Variants in TGFBR3 observed in about 807,000 individuals in gnomAD.
TGFBR3 encodes transforming growth factor beta receptor 3, also known as transforming growth factor beta receptor type 3.
A neutral mutation model predicts 87.9 loss-of-function variants in TGFBR3; 46 were observed. The observed-to-expected ratio is 0.52, with a 90% confidence interval of 0.41 to 0.67. The LOEUF is 0.67. TGFBR3 is among the 30% of genes least tolerant of loss of function. The pLI, the probability that TGFBR3 is intolerant of heterozygous loss-of-function variation, is 0.00. For synonymous variants in TGFBR3, 381 were observed against 391.6 expected (o/e 0.97, Z 0.32); for missense variants, 866 against 1,041.9 (o/e 0.83, Z 2.32).
chr1:91,710,984 G>A (rs1456092113), intron 13 of TGFBR3, among the ~76,000 whole-genome samples: 1 of 152,212 alleles, frequency 6.6e-6, no homozygotes, highest in East Asian at 1.9e-4. Flanking sequence ...GGCCAGGTCA[G>A]AGAGAAGTAA....
intron 3 of TGFBR3, among the ~76,000 whole-genome samples, chr1:91,781,452 A>G (rs997606832): frequency 1.3e-5 from 2 of 152,186 alleles, no homozygotes; most frequent in African/African-American, 4.8e-5. Flanking sequence ...TGCCTTCCAG[A>G]GGCCTCTCCA....
At chr1:91,831,026 A>T (rs1676842939) in intron 2 of TGFBR3, among the ~76,000 whole-genome samples, 1 of 152,164 alleles carries the variant, frequency 6.6e-6, no homozygotes. Flanking sequence ...GTTAGAAATC[A>T]TCACCATTGT....
intron 3 of TGFBR3, among the ~76,000 whole-genome samples, chr1:91,796,750 G>A (rs916371855): frequency 3.3e-5 from 5 of 152,094 alleles, no homozygotes; most frequent in South Asian, 2.1e-4. Flanking sequence ...ACAGGGTTCT[G>A]CTCTATCTCC....
rs374921916 is a variant in TGFBR3, at chr1:91,802,159, T to A, written c.62-4688A>T. 6.3e-4 allele frequency among the ~76,000 whole-genome samples: 96 copies of A among 152,006 alleles called. 2 individuals carry two copies. In the South Asian group the frequency reaches 0.013, roughly 21 times the overall value. ...AAAGAGGCAGTGTGATTGTATGAAGTTTTCCTTTGAATATCTTGGAGAGAC... is the reference window on the plus strand; with the variant it reads ...AAAGAGGCAGTGTGATTGTATGAAGATTTCCTTTGAATATCTTGGAGAGAC... On this transcript the variant is annotated intron_variant, in intron 2 of 16. Coordinates refer to ENST00000212355, the MANE Select transcript of TGFBR3 (RefSeq NM_003243.5).
intron 2 of TGFBR3, among the ~76,000 whole-genome samples, chr1:91,810,786 T>G (rs1423030015): frequency 1.3e-5 from 2 of 152,346 alleles, no homozygotes; most frequent in South Asian, 2.1e-4. Flanking sequence ...TAACAGGATC[T>G]GCCCCATAAG....
intron 2 of TGFBR3, among the ~76,000 whole-genome samples, chr1:91,817,934 G>A (rs1445268328): frequency 2.7e-5 from 4 of 150,612 alleles, no homozygotes; most frequent in Non-Finnish European, 5.9e-5. Context: ...CTCTGTCTTG[G>A]CTGGAGTTTT....
chr1:91,759,383 CAA>C (rs35600646), intron 3 of TGFBR3, among the ~76,000 whole-genome samples: 50 of 84,690 alleles, frequency 5.9e-4, no homozygotes, highest in Admixed American at 1.4e-3. Context: ...CAGCCCCTGT[CAA>C]AAAAAAAAAA....
At chr1:91,805,072 G>A (rs1456993885) in intron 2 of TGFBR3, among the ~76,000 whole-genome samples, 1 of 152,194 alleles carries the variant, frequency 6.6e-6, no homozygotes, top group African/African-American at 2.4e-5. Context: ...TTCATCCAAA[G>A]CCTCACAGAA....
At position 91,891,296 on chromosome 1, in the gene TGFBR3, G is replaced by A. The variant is rs374122741; in HGVS notation, c.-114+8341C>T. ...GTGAATCACTTGAGCCCAGGATTTC[G>A]AGACCAGCCTAGGCAATGTGGTGAA... On this transcript the variant is annotated intron_variant, in intron 2 of 17. Transcript: ENST00000370399. Among the ~76,000 whole-genome samples, 8 of 151,626 alleles carry A rather than the reference G, an allele frequency of 5.3e-5. No homozygotes were observed. In the East Asian group the frequency reaches 5.9e-4, roughly 11 times the overall value.
chr1:91,899,650 C>T (rs1050008881), exon 2 of TGFBR3: 1 of 152,242 alleles, frequency 6.6e-6, no homozygotes, highest in Non-Finnish European at 1.5e-5. Flanking sequence ...CAAAGATCTA[C>T]ACACAAGGAT....
intron 2 of TGFBR3, among the ~76,000 whole-genome samples, chr1:91,809,446 A>G (rs1417414435): frequency 6.6e-6 from 1 of 152,176 alleles, no homozygotes. Context: ...AGAAACTGTA[A>G]GAGGGTCAGG....
intron 6 of TGFBR3, among the ~76,000 whole-genome samples, chr1:91,729,198 A>ACACACCC (rs1672669834): frequency 1.0e-5 from 1 of 96,838 alleles, no homozygotes; most frequent in African/African-American, 3.5e-5. Context: ...CACACACACC[A>ACACACCC]AGCACACAAG....
At chr1:91,730,922 A>G (rs1672745012) in intron 5 of TGFBR3, among the ~76,000 whole-genome samples, 1 of 152,244 alleles carries the variant, frequency 6.6e-6, no homozygotes, top group African/African-American at 2.4e-5. Context: ...CCACCCGGGA[A>G]AGTGATGCAA....
At chr1:91,702,521 A>G (rs2100734826) in intron 14 of TGFBR3, among the ~76,000 whole-genome samples, 1 of 152,250 alleles carries the variant, frequency 6.6e-6, no homozygotes, top group South Asian at 2.1e-4. Flanking sequence ...ATAAAAATAA[A>G]TGACCTAATC....
chr1:91,898,521 C>T (rs1012418707), intron 2 of TGFBR3, among the ~76,000 whole-genome samples: 5 of 152,038 alleles, frequency 3.3e-5, no homozygotes, highest in Admixed American at 2.0e-4. Flanking sequence ...ACTGCAAGCT[C>T]CGCCTCCCGG....
chr1:91,853,817 G>A (rs1294241288), intron 2 of TGFBR3, among the ~76,000 whole-genome samples: 1 of 152,184 alleles, frequency 6.6e-6, no homozygotes, highest in Non-Finnish European at 1.5e-5. Flanking sequence ...TTCGAGACCA[G>A]CGTGGCCAAT....
At chr1:91,787,427 G>C (rs189616444) in intron 3 of TGFBR3, among the ~76,000 whole-genome samples, 40 of 152,280 alleles carry the variant, frequency 2.6e-4, no homozygotes, top group African/African-American at 8.4e-4. Context: ...GCTGAGACTA[G>C]CCCTGTATCT....
intron 7 of TGFBR3, among the ~76,000 whole-genome samples, chr1:91,724,358 A>G (rs1672477776): frequency 6.6e-6 from 1 of 152,222 alleles, no homozygotes; most frequent in South Asian, 2.1e-4. Context: ...AGCCTTTTAG[A>G]GCTACATGTC....
chr1:91,744,418 A>G (rs1190414063), intron 4 of TGFBR3, among the ~76,000 whole-genome samples: 1 of 152,202 alleles, frequency 6.6e-6, no homozygotes. Context: ...AAATGCACCA[A>G]TAGAAGACTT....
Sources: allele counts gnomAD v4.1 joint callset (sites outside exome capture counted in the v4.1 genomes callset), GRCh38; gene constraint gnomAD v4.1.1; transcripts MANE v1.5; gene names NCBI Gene and HGNC (gene_info 2026-07-23, HGNC 2026-07-21).